Variants in GSS observed in about 807,000 individuals in gnomAD.
GSS encodes the protein GSH synthetase.
Under a neutral mutation model 60.4 loss-of-function variants are expected in GSS, and 34 were observed. That is an observed-to-expected ratio of 0.56 (90% CI 0.43 to 0.75). The LOEUF (loss-of-function observed/expected upper bound fraction) is 0.75, where lower values mean the gene tolerates loss of function less well. GSS is among the 30% of genes least tolerant of loss of function. The pLI is 0.00. For missense variants in GSS, 499 were observed against 595.1 expected, an observed-to-expected ratio of 0.84 and a Z score of 1.68; for synonymous variants, 224 against 239.0, an observed-to-expected ratio of 0.94 and a Z score of 0.58.
intron 6 of GSS, among the ~76,000 whole-genome samples, chr20:34,939,229 A>G (rs1231470716): frequency 6.6e-6 from 1 of 152,034 alleles, no homozygotes; most frequent in Non-Finnish European, 1.5e-5. Context: ...AACAAAAACG[A>G]AACTCTGTCT....
rs371781627 is a variant in GSS at position 34,932,168 on chromosome 20, T to C, written c.835-35A>G. 7.9e-5 allele frequency: 122 copies of C among 1,543,818 alleles called. 1 individual carries two copies. Among genetic ancestry groups the C allele is most frequent in the Non-Finnish European group, 1.4e-5 (16 of 1,115,650 alleles). ...GAAGAAGACAAAAGGAATTCGACTTTATTTTACTTCAGCTGACGTTTACTG... is the reference window on the plus strand; with the variant it reads ...GAAGAAGACAAAAGGAATTCGACTTCATTTTACTTCAGCTGACGTTTACTG... On this transcript the variant is annotated intron_variant, in intron 9 of 12. Coordinates refer to ENST00000651619, the MANE Select transcript of GSS (RefSeq NM_000178.4).
chr20:34,951,955 C>A (rs1569019115), intron 1 of GSS, 95 bp from the exon 2 acceptor site: 2 of 1,295,458 alleles, frequency 1.5e-6, no homozygotes, highest in East Asian at 4.6e-5. Flanking sequence ...ACAGCAGGAC[C>A]CTGACCTCTG....
chr20:34,930,376 T>G (rs891395588), intron 11 of GSS, among the ~76,000 whole-genome samples: 1 of 152,182 alleles, frequency 6.6e-6, no homozygotes, highest in Non-Finnish European at 1.5e-5. Flanking sequence ...AACTTATTAC[T>G]TCTGCCTGAA....
intron 6 of GSS, among the ~76,000 whole-genome samples, chr20:34,937,991 G>C (rs1205364930): frequency 1.3e-5 from 2 of 152,166 alleles, no homozygotes; most frequent in Non-Finnish European, 2.9e-5. Flanking sequence ...CCGGGTAGCT[G>C]GGATTTCAGG....
At chr20:34,939,664 T>C (rs564538290) in intron 6 of GSS, among the ~76,000 whole-genome samples, 2 of 150,810 alleles carry the variant, frequency 1.3e-5, no homozygotes, top group South Asian at 4.2e-4. Flanking sequence ...TTATTTGGGT[T>C]TGTTTTTTGT....
At chr20:34,943,133 A>G in intron 3 of GSS, 127 bp from the exon 4 acceptor site, 1 of 725,340 alleles carries the variant, frequency 1.4e-6, no homozygotes, top group East Asian at 2.7e-5. Context: ...TGTCCGCCCC[A>G]ATGTGGTAGA....
Position 34,942,528 on chromosome 20 carries a change from T to C in GSS, c.451A>G (p.Ser151Gly), listed in dbSNP as rs768110660. The change falls in exon 5 of 13, where the codon AGC becomes GGC. Residue 151 changes from serine (S) to glycine (G), a missense_variant. Coordinates refer to ENST00000651619, the MANE Select transcript of GSS (RefSeq NM_000178.4). ...KQIEINTISA[S>G]FGGLASRTPA... is the part of the protein sequence containing the mutation. ...GTCCGGGAGGCCAGGCCCCCAAAGC[T>C]GGCAGAGATGGTGTTGATTTCGATC... 1 of 1,614,090 alleles carries C rather than the reference T, an allele frequency of 6.2e-7. No homozygotes were observed. The highest frequency in any genetic ancestry group is 8.5e-7 in the Non-Finnish European group (1 of 1,179,964).
intron 6 of GSS, among the ~76,000 whole-genome samples, chr20:34,937,521 A>C (rs1247345068): frequency 1.3e-5 from 2 of 152,200 alleles, no homozygotes; most frequent in African/African-American, 2.4e-5. Flanking sequence ...TGGTTCTTAC[A>C]CAAGATGGAA....
At chr20:34,940,973 T>TG (rs1373263727) in intron 6 of GSS, among the ~76,000 whole-genome samples, 5 of 152,068 alleles carry the variant, frequency 3.3e-5, no homozygotes, top group Non-Finnish European at 7.4e-5. Context: ...GGCATGGGCA[T>TG]GGGGGGTGGA....
Position 34,942,936 on chromosome 20 carries a change from C to G in GSS, c.346G>C (p.Ala116Pro), listed in dbSNP as rs761034720. 1.7e-5 allele frequency: 27 copies of G among 1,597,996 alleles called. No homozygotes were observed. In the East Asian group the frequency reaches 6.0e-4, roughly 36 times the overall value. The change falls in exon 4 of 13, where the codon GCC becomes CCC. Residue 116 changes from alanine (A) to proline (P), a missense_variant. Coordinates refer to ENST00000651619, the MANE Select transcript of GSS (RefSeq NM_000178.4). Reference protein sequence around the residue: ...IHKQVLKEGIAQTVFLGLNRS... With the variant: ...IHKQVLKEGIPQTVFLGLNRS... ...GTAGGGCTGGGAATGGTTACCTGGG[C>G]AATGCCCTCTTTTAGGACTTGCTTG...
At chr20:34,950,013 T>TCTCTCTCACACACACACACA (rs144768623) in intron 2 of GSS, 4 of 124,886 alleles carry the variant, frequency 3.2e-5, no homozygotes, top group African/African-American at 1.2e-4. Context: ...TCTCTCTCTC[T>TCTCTCTCACACACACACACA]CACACACACA....
Position 34,935,570 on chromosome 20 carries a change from A to G in GSS, c.834+6T>C. The G allele has an allele frequency of 6.2e-7, 1 of 1,604,276 alleles. No homozygotes were observed. The highest frequency in any genetic ancestry group is 8.5e-7 in the Non-Finnish European group (1 of 1,171,044). On this transcript the variant is annotated splice_donor_region_variant and intron_variant, in intron 9 of 12. Coordinates refer to ENST00000651619, the MANE Select transcript of GSS (RefSeq NM_000178.4). ...GGCAAAGAATGGTCTCACAGAAAAT[A>G]CCAACCTGTAGACTGTACTGACGAG...
rs1687739804 is a variant in GSS at position 34,935,964 on chromosome 20, G to A, written c.768-322C>T. On this transcript the variant is annotated intron_variant, in intron 8 of 12. Coordinates refer to ENST00000651619, the MANE Select transcript of GSS (RefSeq NM_000178.4). ...ACAAATGTTGGCTCGAAATTACCGA[G>A]CAGCAGAATCATACTGCCATGTGTA... 2.6e-5 allele frequency among the ~76,000 whole-genome samples: 4 copies of A among 152,218 alleles called. No homozygotes were observed. In the South Asian group the frequency reaches 8.3e-4, roughly 31 times the overall value.
chr20:34,930,260 G>A (rs1379509400), intron 11 of GSS, among the ~76,000 whole-genome samples: 3 of 129,824 alleles, frequency 2.3e-5, no homozygotes, highest in African/African-American at 5.9e-5. Context: ...GCGAGAATCC[G>A]TCTCAAAAAA....
At chr20:34,940,523 C>T (rs2081474427) in intron 6 of GSS, among the ~76,000 whole-genome samples, 1 of 152,148 alleles carries the variant, frequency 6.6e-6, no homozygotes, top group South Asian at 2.1e-4. Flanking sequence ...ACTTTGGGAT[C>T]TGCCACCAAC....
chr20:34,952,329 C>G (rs2081575558), intron 1 of GSS: 2 of 200,942 alleles, frequency 1.0e-5, no homozygotes. Context: ...GATCAGTTTC[C>G]AAACCTGGCT....
intron 5 of GSS, among the ~76,000 whole-genome samples, 199 bp from the exon 6 acceptor site, chr20:34,942,028 GA>G (rs2081487050): frequency 1.3e-5 from 2 of 152,066 alleles, no homozygotes; most frequent in African/African-American, 4.8e-5. Context: ...TATATGCCTG[GA>G]GGAGACCTGA....
Position 34,941,436 on chromosome 20 carries a change from C to T in GSS, c.608+277G>A, listed in dbSNP as rs146223178. On this transcript the variant is annotated intron_variant, in intron 6 of 12. Transcript: ENST00000651619. ...TAGCGCAGGCAAACAGCCTTGCGTG[C>T]CTCTCTAACCCTAGGTAGCACTACT... Among the ~76,000 whole-genome samples, 54 of 152,186 alleles carry T rather than the reference C, an allele frequency of 3.5e-4. 1 individual carries two copies. In the East Asian group the frequency reaches 0.01, roughly 29 times the overall value.
intron 9 of GSS, among the ~76,000 whole-genome samples, chr20:34,932,590 C>A (rs564060126): frequency 1.3e-4 from 20 of 152,300 alleles, no homozygotes; most frequent in Admixed American, 1.2e-3. Flanking sequence ...TTTCCCTCAA[C>A]CTGAAACCCC....
Sources: allele counts gnomAD v4.1 joint callset (sites outside exome capture counted in the v4.1 genomes callset), GRCh38; gene constraint gnomAD v4.1.1; transcripts MANE v1.5; gene names NCBI Gene and HGNC (gene_info 2026-07-23, HGNC 2026-07-21).